DENND1A: variants seen among roughly 807,000 people sequenced by gnomAD.
DENND1A encodes DENN domain-containing protein 1A.
Under a neutral mutation model 113.7 loss-of-function variants are expected in DENND1A, and 51 were observed. That is an observed-to-expected ratio of 0.45 (90% CI 0.36 to 0.57). The LOEUF is 0.57. DENND1A is among the 20% of genes least tolerant of loss of function. DENND1A has a pLI of 0.00. For missense variants in DENND1A, 1,258 were observed against 1,395.9 expected (o/e 0.90, Z 1.57); for synonymous variants, 565 against 570.8 (o/e 0.99, Z 0.14).
At chr9:123,545,103 G>GAAA (rs34469127) in intron 13 of DENND1A, among the ~76,000 whole-genome samples, 4 of 144,318 alleles carry the variant, frequency 2.8e-5, no homozygotes, top group Non-Finnish European at 3.1e-5. Flanking sequence ...GTCTCAAAAA[G>GAAA]AAAAAAAAAA....
intron 3 of DENND1A, among the ~76,000 whole-genome samples, 180 bp from the exon 4 acceptor site, chr9:123,769,743 A>G (rs758885082): frequency 3.2e-4 from 48 of 152,178 alleles, no homozygotes; most frequent in Non-Finnish European, 1.5e-4. Context: ...AATAAACATG[A>G]TCAAACTTCA....
chr9:123,833,389 GA>G (rs367929024), intron 2 of DENND1A, among the ~76,000 whole-genome samples: 10 of 151,776 alleles, frequency 6.6e-5, no homozygotes, highest in South Asian at 2.1e-4. Context: ...CAAATAGCTG[GA>G]AAAAAAATCA....
At chr9:123,515,108 G>C (rs998848874) in intron 13 of DENND1A, among the ~76,000 whole-genome samples, 37 of 152,208 alleles carry the variant, frequency 2.4e-4, no homozygotes, top group Non-Finnish European at 5.3e-4. Context: ...TATCCTACAT[G>C]AAACGGTACT....
chr9:123,693,836 A>C (rs547433268), intron 5 of DENND1A, among the ~76,000 whole-genome samples: 2 of 147,576 alleles, frequency 1.4e-5, no homozygotes, highest in Non-Finnish European at 3.0e-5. Context: ...TATTATTATT[A>C]TTATTATTTT....
intron 13 of DENND1A, among the ~76,000 whole-genome samples, chr9:123,483,053 A>C (rs868266632): frequency 1.3e-5 from 2 of 152,206 alleles, no homozygotes; most frequent in African/African-American, 2.4e-5. Context: ...CCAAGGAAGC[A>C]CTGTGTCCAC....
Position 123,457,874 on chromosome 9 carries a change from C to T in DENND1A, c.1017G>A (p.Glu339=), listed in dbSNP as rs376558259. ...AGCGGTAGTGGGACACGAAGGCTTC[C>T]TCACAGAAAGTGATCGGCTCCTCCT... ...IEPEEPITFC[E]EAFVSHYRSG... The change falls in exon 14 of 24, where the codon GAG becomes GAA. Residue 339 remains glutamate (E), a synonymous_variant. Transcript: ENST00000394215. 226 of 1,612,116 alleles carry T rather than the reference C, an allele frequency of 1.4e-4. No individual in the cohort carries two copies. Among genetic ancestry groups the T allele is most frequent in the Non-Finnish European group, 1.9e-4 (221 of 1,179,190 alleles).
intron 2 of DENND1A, among the ~76,000 whole-genome samples, chr9:123,833,652 G>C (rs1840620548): frequency 6.6e-6 from 1 of 152,148 alleles, no homozygotes; most frequent in Non-Finnish European, 1.5e-5. Context: ...CTGGGAAAAA[G>C]AAATAGCCTA....
At chr9:123,565,778 C>G (rs2058021914) in intron 12 of DENND1A, among the ~76,000 whole-genome samples, 1 of 152,194 alleles carries the variant, frequency 6.6e-6, no homozygotes, top group Non-Finnish European at 1.5e-5. Context: ...ATAAGCATAT[C>G]TACCTATGCC....
chr9:123,494,165 G>T (rs922561403), intron 13 of DENND1A, among the ~76,000 whole-genome samples: 1 of 152,146 alleles, frequency 6.6e-6, no homozygotes, highest in African/African-American at 2.4e-5. Flanking sequence ...TGTACTGCTG[G>T]AAGAGGCTCC....
intron 5 of DENND1A, among the ~76,000 whole-genome samples, chr9:123,728,507 A>AC (rs2067913697): frequency 3.4e-5 from 5 of 146,964 alleles, no homozygotes; most frequent in African/African-American, 1.3e-4. Context: ...AAAAAAAAAA[A>AC]AAACAGGCAT....
At chr9:123,450,317 G>A (rs983057596) in intron 18 of DENND1A, among the ~76,000 whole-genome samples, 5 of 152,242 alleles carry the variant, frequency 3.3e-5, no homozygotes, top group African/African-American at 1.2e-4. Flanking sequence ...GATGCTCCTT[G>A]GTTTTGGTTA....
At chr9:123,615,609 C>G (rs1174054007) in intron 10 of DENND1A, among the ~76,000 whole-genome samples, 2 of 152,236 alleles carry the variant, frequency 1.3e-5, no homozygotes, top group Non-Finnish European at 2.9e-5. Flanking sequence ...CTCAGCTTCA[C>G]TATTTCTTCA....
intron 2 of DENND1A, among the ~76,000 whole-genome samples, chr9:123,841,131 G>A (rs1841769193): frequency 6.6e-6 from 1 of 152,116 alleles, no homozygotes. Flanking sequence ...AATTACCAAG[G>A]TGATGTCATT....
intron 5 of DENND1A, among the ~76,000 whole-genome samples, chr9:123,728,506 A>AAAAAAAAAAC (rs1564150268): frequency 4.8e-4 from 70 of 145,898 alleles, no homozygotes; most frequent in African/African-American, 1.8e-3. Flanking sequence ...AAAAAAAAAA[A>AAAAAAAAAAC]AAAACAGGCA....
At chr9:123,387,894 C>T (rs1212988101) in intron 21 of DENND1A, 36 bp from the exon 22 acceptor site, 3 of 1,282,018 alleles carry the variant, frequency 2.3e-6, no homozygotes, top group Non-Finnish European at 3.1e-6. Context: ...AGAGAACAGG[C>T]AGTTAGGGGC....
intron 2 of DENND1A, among the ~76,000 whole-genome samples, chr9:123,850,665 A>G (rs1367885370): frequency 1.3e-5 from 2 of 152,224 alleles, no homozygotes; most frequent in Admixed American, 6.5e-5. Flanking sequence ...GACAGATTAC[A>G]TAAGCTCGCC....
chr9:123,517,527 G>T (rs955749114), intron 13 of DENND1A, among the ~76,000 whole-genome samples: 6 of 151,668 alleles, frequency 4.0e-5, no homozygotes, highest in African/African-American at 1.2e-4. Flanking sequence ...GCTGAGACAG[G>T]AGAATTGCTT....
Position 123,383,904 on chromosome 9 carries a change from C to T in DENND1A, c.1770G>A (p.Pro590=), listed in dbSNP as rs146918976. ...TGTCTGACTCCCTGAGTGTCCGATA[C>T]GGCTGCGGCCTGTCGGGGACAGAGC... ...FFSAPFEWPQ[P]YRTLRESDSA... Residue 590 remains proline (P), a synonymous_variant, in exon 23 of 24, where the codon CCG becomes CCA. Coordinates refer to ENST00000394215, the MANE Select transcript of DENND1A (RefSeq NM_001352964.2). 2.3e-5 allele frequency: 37 copies of T among 1,609,690 alleles called. No individual in the cohort carries two copies. The highest frequency in any genetic ancestry group is 1.3e-4 in the African/African-American group (10 of 75,034).
intron 1 of DENND1A, among the ~76,000 whole-genome samples, chr9:123,890,279 C>G (rs1235750488): frequency 6.6e-6 from 1 of 152,116 alleles, no homozygotes; most frequent in Non-Finnish European, 1.5e-5. Flanking sequence ...TTTAGAGTGG[C>G]TGGGGGAATG....
Sources: allele counts gnomAD v4.1 joint callset (sites outside exome capture counted in the v4.1 genomes callset), GRCh38; gene constraint gnomAD v4.1.1; transcripts MANE v1.5; gene names NCBI Gene and HGNC (gene_info 2026-07-23, HGNC 2026-07-21).